LSAMP: variants seen among roughly 807,000 people sequenced by gnomAD.
LSAMP encodes limbic system associated membrane protein.
Under a neutral mutation model 38.6 loss-of-function variants are expected in LSAMP, and 7 were observed. The ratio of observed to expected loss-of-function variants is 0.18; its 90% confidence interval spans 0.10 to 0.34. The LOEUF (loss-of-function observed/expected upper bound fraction) is 0.34, where lower values mean the gene tolerates loss of function less well. LSAMP is among the 10% of genes least tolerant of loss of function. The probability of loss-of-function intolerance (pLI) is 1.00; values close to 1 mark genes in which losing one functional copy is unlikely to be tolerated. For missense variants in LSAMP, 313 were observed against 420.0 expected (o/e 0.75, Z 2.23); for synonymous variants, 154 against 166.8 (o/e 0.92, Z 0.59).
chr3:116,006,367 C>T (rs149213322), intron 3 of LSAMP, among the ~76,000 whole-genome samples: 4 of 152,228 alleles, frequency 2.6e-5, no homozygotes, highest in African/African-American at 4.8e-5. Context: ...ACCTCGATCA[C>T]GGACTTCTAG....
chr3:116,181,050 T>C (rs1044686131), intron 1 of LSAMP, among the ~76,000 whole-genome samples: 4 of 152,048 alleles, frequency 2.6e-5, no homozygotes, highest in African/African-American at 9.7e-5. Flanking sequence ...CCATTAGTTT[T>C]GCCCTGTATG....
chr3:115,918,204 C>T (rs746345472), intron 3 of LSAMP, among the ~76,000 whole-genome samples: 6 of 152,082 alleles, frequency 3.9e-5, no homozygotes, highest in Middle Eastern at 3.2e-3. Flanking sequence ...TAGCTTCTTA[C>T]GTAGGGAGAT....
chr3:116,154,711 A>T (rs1216178564), intron 1 of LSAMP, among the ~76,000 whole-genome samples: 6 of 151,430 alleles, frequency 4.0e-5, no homozygotes, highest in Non-Finnish European at 8.8e-5. Flanking sequence ...CCCCATCCCT[A>T]CTCATTTTGC....
At chr3:116,104,065 G>A (rs1401765869) in intron 1 of LSAMP, among the ~76,000 whole-genome samples, 1 of 152,038 alleles carries the variant, frequency 6.6e-6, no homozygotes, top group African/African-American at 2.4e-5. Flanking sequence ...CTCTAAGTGA[G>A]CCCACGTAGA....
chr3:116,031,237 A>C (rs1477625995), intron 2 of LSAMP, among the ~76,000 whole-genome samples: 1 of 152,126 alleles, frequency 6.6e-6, no homozygotes, highest in African/African-American at 2.4e-5. Flanking sequence ...ATACAAAACA[A>C]AATTTACTGA....
At chr3:115,840,736 TA>T (rs1328153499) in intron 6 of LSAMP, among the ~76,000 whole-genome samples, 1 of 152,194 alleles carries the variant, frequency 6.6e-6, no homozygotes, top group Admixed American at 6.5e-5. Context: ...TTTCTAAAAA[TA>T]TTTTTTTCTT....
chr3:115,937,465 ACT>A (rs1181335188), intron 3 of LSAMP, among the ~76,000 whole-genome samples: 1 of 151,282 alleles, frequency 6.6e-6, no homozygotes, highest in East Asian at 1.9e-4. Context: ...ACAAAGTGAC[ACT>A]CTATCTTTAT....
At chr3:116,267,707 C>G (rs1576470388) in intron 1 of LSAMP, among the ~76,000 whole-genome samples, 1 of 151,910 alleles carries the variant, frequency 6.6e-6, no homozygotes, top group South Asian at 2.1e-4. Context: ...CTCTGTTCGT[C>G]TGTTTTTTAG....
At chr3:115,928,208 G>A (rs1937522235) in intron 3 of LSAMP, among the ~76,000 whole-genome samples, 1 of 152,090 alleles carries the variant, frequency 6.6e-6, no homozygotes, top group African/African-American at 2.4e-5. Flanking sequence ...GGAATCTCTG[G>A]TCTTTTTACT....
At chr3:116,280,432 G>A (rs751981011) in intron 1 of LSAMP, among the ~76,000 whole-genome samples, 1 of 152,178 alleles carries the variant, frequency 6.6e-6, no homozygotes, top group Non-Finnish European at 1.5e-5. Flanking sequence ...CAAGGACTTG[G>A]CGACTGAGAT....
intron 2 of LSAMP, among the ~76,000 whole-genome samples, chr3:116,055,919 T>G (rs1467473487): frequency 1.3e-5 from 2 of 151,962 alleles, no homozygotes; most frequent in African/African-American, 4.8e-5. Flanking sequence ...ACTTGGAGTA[T>G]AACTAGCATT....
chr3:115,815,153 G>T (rs1933976016), intron 6 of LSAMP, among the ~76,000 whole-genome samples: 1 of 152,130 alleles, frequency 6.6e-6, no homozygotes, highest in Non-Finnish European at 1.5e-5. Context: ...GAGAGAGAGA[G>T]AAAGAGAAAG....
chr3:116,329,211 T>C (rs2047816463), intron 1 of LSAMP, among the ~76,000 whole-genome samples: 1 of 152,164 alleles, frequency 6.6e-6, no homozygotes, highest in Non-Finnish European at 1.5e-5. Flanking sequence ...ATTCTAATCC[T>C]TACAACAGCC....
chr3:115,993,697 T>C (rs1939736426), intron 3 of LSAMP, among the ~76,000 whole-genome samples: 1 of 152,072 alleles, frequency 6.6e-6, no homozygotes, highest in African/African-American at 2.4e-5. Context: ...CAATAGTGGC[T>C]TTTTAAAAAA....
At chr3:116,395,410 C>A (rs2048755992) in intron 1 of LSAMP, among the ~76,000 whole-genome samples, 1 of 152,108 alleles carries the variant, frequency 6.6e-6, no homozygotes, top group South Asian at 2.1e-4. Context: ...TATGGGAAGA[C>A]AGGATTTGAT....
At chr3:116,169,973 G>A (rs761188715) in intron 1 of LSAMP, among the ~76,000 whole-genome samples, 2 of 152,096 alleles carry the variant, frequency 1.3e-5, no homozygotes, top group Non-Finnish European at 2.9e-5. Context: ...AATTTCCAGC[G>A]AATTAACGAG....
chr3:116,234,575 C>A (rs2107631723), intron 1 of LSAMP, among the ~76,000 whole-genome samples: 1 of 152,062 alleles, frequency 6.6e-6, no homozygotes, highest in Non-Finnish European at 1.5e-5. Context: ...AAATTAACAT[C>A]AAAGCTGACC....
chr3:116,368,622 T>G (rs527587860), intron 1 of LSAMP, among the ~76,000 whole-genome samples: 1 of 152,214 alleles, frequency 6.6e-6, no homozygotes, highest in Non-Finnish European at 1.5e-5. Flanking sequence ...ATGACTGGTT[T>G]CAACAAGCTG....
intron 1 of LSAMP, among the ~76,000 whole-genome samples, chr3:116,315,951 A>C (rs1294011238): frequency 6.6e-6 from 1 of 152,228 alleles, no homozygotes. Context: ...AGGGAAAAAA[A>C]GTTATTGAAT....
Sources: allele counts gnomAD v4.1 joint callset (sites outside exome capture counted in the v4.1 genomes callset), GRCh38; gene constraint gnomAD v4.1.1; transcripts MANE v1.5; gene names NCBI Gene and HGNC (gene_info 2026-07-23, HGNC 2026-07-21).